Variants in GAB2 observed in about 807,000 individuals in gnomAD.
GAB2 encodes the protein GRB2-associated-binding protein 2.
In GAB2, 26 loss-of-function variants were observed where a neutral mutation model predicts 65.5. The observed-to-expected ratio is 0.40, with a 90% CI of 0.29 to 0.55. The LOEUF (loss-of-function observed/expected upper bound fraction) is 0.55, where lower values mean the gene tolerates loss of function less well. GAB2 is among the 20% of genes least tolerant of loss of function. GAB2 has a pLI of 0.53. For synonymous variants in GAB2, 321 were observed against 329.6 expected (o/e 0.97, Z 0.28); for missense variants, 884 against 875.8 (o/e 1.01, Z -0.12).
At chr11:78,326,352 C>G (rs1174641169) in intron 1 of GAB2, among the ~76,000 whole-genome samples, 1 of 152,134 alleles carries the variant, frequency 6.6e-6, no homozygotes, top group African/African-American at 2.4e-5. Context: ...TACTTAAGGT[C>G]ACACTGAGAA....
intron 2 of GAB2, among the ~76,000 whole-genome samples, chr11:78,266,617 G>C (rs1418429697): frequency 1.3e-5 from 2 of 152,178 alleles, no homozygotes; most frequent in Non-Finnish European, 2.9e-5. Flanking sequence ...TTATCTGGTA[G>C]TTATATCTTG....
At chr11:78,391,552 G>C (rs1856833901) in intron 1 of GAB2, among the ~76,000 whole-genome samples, 1 of 152,180 alleles carries the variant, frequency 6.6e-6, no homozygotes. Context: ...CAGTCTGATT[G>C]CTTAGAGACT....
chr11:78,395,927 G>A (rs1004341898), intron 1 of GAB2, among the ~76,000 whole-genome samples: 1 of 152,124 alleles, frequency 6.6e-6, no homozygotes, highest in South Asian at 2.1e-4. Context: ...TATCCTTAGG[G>A]ATCTGCAAAG....
chr11:78,363,611 G>T (rs1398238846), intron 1 of GAB2, among the ~76,000 whole-genome samples: 2 of 150,218 alleles, frequency 1.3e-5, no homozygotes, highest in African/African-American at 2.5e-5. Flanking sequence ...TTGAGACAGG[G>T]TCTCACTTTG....
intron 2 of GAB2, among the ~76,000 whole-genome samples, chr11:78,276,500 T>C (rs950655634): frequency 1.3e-5 from 2 of 152,192 alleles, no homozygotes; most frequent in African/African-American, 4.8e-5. Context: ...GTGTCGCTAA[T>C]CTTGGTGATT....
intron 2 of GAB2, among the ~76,000 whole-genome samples, chr11:78,261,397 G>C (rs1865727992): frequency 6.6e-6 from 1 of 152,178 alleles, no homozygotes; most frequent in South Asian, 2.1e-4. Context: ...TTAGAAGAAT[G>C]ACCAAATGAG....
chr11:78,263,839 G>A (rs1440090224), intron 2 of GAB2, among the ~76,000 whole-genome samples: 2 of 151,330 alleles, frequency 1.3e-5, no homozygotes, highest in Non-Finnish European at 2.9e-5. Flanking sequence ...GAGATCAAGT[G>A]ATTTTCTTAC....
chr11:78,303,961 CAA>C (rs1218166801), intron 1 of GAB2, among the ~76,000 whole-genome samples: 2 of 151,990 alleles, frequency 1.3e-5, no homozygotes, highest in Admixed American at 6.6e-5. Context: ...CTGAATTAAG[CAA>C]AGATTTAGTG....
intron 2 of GAB2, among the ~76,000 whole-genome samples, chr11:78,262,201 C>T (rs948045157): frequency 6.6e-6 from 1 of 152,178 alleles, no homozygotes; most frequent in Non-Finnish European, 1.5e-5. Context: ...TGAAGGGGAA[C>T]TTCGGCTTCA....
intron 1 of GAB2, among the ~76,000 whole-genome samples, chr11:78,416,080 C>G (rs1857192225): frequency 6.6e-6 from 1 of 151,924 alleles, no homozygotes; most frequent in South Asian, 2.1e-4. Context: ...ATCACTGCTC[C>G]TTAATCCTAA....
intron 3 of GAB2, among the ~76,000 whole-genome samples, chr11:78,233,730 G>A (rs1055564596): frequency 2.6e-5 from 4 of 151,882 alleles, no homozygotes; most frequent in Non-Finnish European, 5.9e-5. Context: ...CCTCAGCCTC[G>A]CCAGTAGCTG....
At chr11:78,393,353 G>C (rs10793311) in intron 1 of GAB2, among the ~76,000 whole-genome samples, 24,091 of 152,060 alleles carry the variant, frequency 0.16, 2,565 homozygotes, top group East Asian at 0.41. Context: ...CACGAATAAA[G>C]TGTATCAAAA....
At chr11:78,406,329 G>A (rs1013433957) in intron 1 of GAB2, among the ~76,000 whole-genome samples, 4 of 152,000 alleles carry the variant, frequency 2.6e-5, no homozygotes, top group Non-Finnish European at 5.9e-5. Context: ...AAAACACAAG[G>A]TTTAAATTAG....
intron 1 of GAB2, among the ~76,000 whole-genome samples, chr11:78,400,245 CTT>C (rs1345571205): frequency 2.6e-5 from 4 of 152,206 alleles, no homozygotes; most frequent in African/African-American, 4.8e-5. Context: ...GCCCTTATCT[CTT>C]GAGTCCAACT....
At chr11:78,364,714 A>G (rs949048356) in intron 1 of GAB2, among the ~76,000 whole-genome samples, 2 of 152,300 alleles carry the variant, frequency 1.3e-5, no homozygotes, top group Middle Eastern at 3.4e-3. Flanking sequence ...TGAGTTTGCT[A>G]TATGTGTTTA....
intron 1 of GAB2, among the ~76,000 whole-genome samples, chr11:78,294,554 T>C (rs1866772982): frequency 6.6e-6 from 1 of 152,100 alleles, no homozygotes; most frequent in South Asian, 2.1e-4. Flanking sequence ...TGTTCCCATT[T>C]CTCCACATCC....
Position 78,417,704 on chromosome 11 carries a change from T to C in GAB2, c.17A>G (p.Asp6Gly), listed in dbSNP as rs1565191641. MSGGGDVVCTGWLRKS... is the reference protein window; with the variant it reads MSGGGGVVCTGWLRKS... Reference sequence around the variant, plus strand: ...CCTCAGCCAGCCGGTGCACACCACGTCGCCGCCGCCGCTCATGCTGCCGGC... The same window carrying C: ...CCTCAGCCAGCCGGTGCACACCACGCCGCCGCCGCCGCTCATGCTGCCGGC... Residue 6 changes from aspartate (D) to glycine (G), a missense_variant, in exon 1 of 10, where the codon GAC becomes GGC. Physicochemically the swap from Asp to Gly is moderately conservative, Grantham distance 94. Coordinates refer to ENST00000361507, the MANE Select transcript of GAB2 (RefSeq NM_080491.3). 1 of 1,344,646 alleles carries C rather than the reference T, an allele frequency of 7.4e-7. No individual in the cohort carries two copies. The highest frequency in any genetic ancestry group is 2.3e-5 in the Admixed American group (1 of 43,424). 83.3% of individuals were successfully genotyped at this position (1,344,646 alleles called of 1,614,324 possible).
rs887331886 is a variant in GAB2 at position 78,223,358 on chromosome 11, GAA to G, written c.1567+52_1567+53del. ...GATCCACATGACCCCTAAGCAAATG[GAA>G]AGAGTCCCTAGCCACTGTCCAGAGA... On this transcript the variant is annotated intron_variant, in intron 6 of 9. Transcript: ENST00000361507. The G allele has an allele frequency of 1.0e-4, 146 of 1,413,616 alleles. No individual in the cohort carries two copies. In the African/African-American group the frequency reaches 1.9e-3, roughly 19 times the overall value. The allele number at this position is 1,413,616 out of a possible 1,614,324, so 87.6% of individuals were successfully genotyped here. A position where few individuals can be genotyped will look rare whatever the true frequency, so the allele number is the denominator to read the frequency against.
chr11:78,383,916 T>C (rs1003606738), intron 1 of GAB2, among the ~76,000 whole-genome samples: 5 of 152,162 alleles, frequency 3.3e-5, no homozygotes, highest in Admixed American at 2.6e-4. Context: ...TTGCGGGCTT[T>C]CGTGACATTG....
Sources: allele counts gnomAD v4.1 joint callset (sites outside exome capture counted in the v4.1 genomes callset), GRCh38; gene constraint gnomAD v4.1.1; transcripts MANE v1.5; gene names NCBI Gene and HGNC (gene_info 2026-07-23, HGNC 2026-07-21).